The following RSPH3 variants were observed in gnomAD, a reference collection of about 807,000 sequenced individuals.
RSPH3 encodes the protein radial spoke head protein 3 homolog.
In RSPH3, 21 loss-of-function variants were observed where a neutral mutation model predicts 43.8. The ratio of observed to expected loss-of-function variants is 0.48; its 90% confidence interval spans 0.34 to 0.69. The LOEUF (loss-of-function observed/expected upper bound fraction) is 0.69, where lower values mean the gene tolerates loss of function less well. Ranked by LOEUF, RSPH3 falls within the 30% of genes least tolerant of loss-of-function variation. The probability of loss-of-function intolerance (pLI) is 0.01; values close to 1 mark genes in which losing one functional copy is unlikely to be tolerated. For missense variants in RSPH3, 487 were observed against 516.0 expected, an observed-to-expected ratio of 0.94 and a Z score of 0.54; for synonymous variants, 173 against 179.8, an observed-to-expected ratio of 0.96 and a Z score of 0.30.
chr6:158,986,155 T>C (rs762163751), intron 3 of RSPH3, 125 bp downstream of exon 3: 16 of 906,762 alleles, frequency 1.8e-5, no homozygotes, highest in Non-Finnish European at 2.7e-5. Flanking sequence ...TTCCCTACCA[T>C]GTGATCGGGG....
intron 2 of RSPH3, chr6:158,988,057 C>A (rs958257655): frequency 6.6e-6 from 1 of 152,158 alleles, no homozygotes; most frequent in South Asian, 2.1e-4. Context: ...GTAAGATGGG[C>A]GTGGTGGTGC....
chr6:158,968,543 C>T (rs1777656579), downstream of RSPH3, among the ~76,000 whole-genome samples: 1 of 151,750 alleles, frequency 6.6e-6, no homozygotes, highest in African/African-American at 2.4e-5. Flanking sequence ...GCTATTTTTA[C>T]TATTTTGTAA....
intron 3 of RSPH3, among the ~76,000 whole-genome samples, chr6:158,984,691 T>C (rs988998235): frequency 1.1e-4 from 16 of 151,858 alleles, no homozygotes; most frequent in African/African-American, 2.4e-4. Context: ...ATGTTGGGCA[T>C]AGGACTTGGC....
chr6:158,998,807 T>C (rs1383314413), intron 1 of RSPH3, among the ~76,000 whole-genome samples: 3 of 146,658 alleles, frequency 2.0e-5, no homozygotes, highest in Admixed American at 6.9e-5. Context: ...GGGGCGGAGG[T>C]TGCAGTGAGC....
intron 4 of RSPH3, 36 bp from the exon 5 acceptor site, chr6:158,982,724 A>G: frequency 6.9e-7 from 1 of 1,440,550 alleles, no homozygotes. Context: ...TTAAAATTTT[A>G]ATTACGAATC....
Position 158,984,434 on chromosome 6 carries a change from TTATATATA to T in RSPH3, c.347-635_347-628del, listed in dbSNP as rs55999313. 9.3e-3 allele frequency among the ~76,000 whole-genome samples: 592 copies of T among 63,598 alleles called. 15 individuals carry two copies. The highest frequency in any genetic ancestry group is 0.031 in the Middle Eastern group (4 of 128). The allele number at this position is 63,598 out of a possible 152,430, so 41.7% of individuals were successfully genotyped here. The stretch of plus-strand genomic sequence containing the variant: ...AGTACAACAGTGGATAAAAAGTCAA[TTATATATA>T]TATATATATATATATATATATATAT... On this transcript the variant is annotated intron_variant, in intron 3 of 7. Transcript: ENST00000367069.
rs1473129201 is a variant in RSPH3 at position 158,993,945 on chromosome 6, T to C, written c.117-19A>G. 7 of 1,394,590 alleles carry C rather than the reference T, an allele frequency of 5.0e-6. No individual in the cohort carries two copies. The African/African-American group carries it at 7.1e-5, about 14-fold the overall frequency. 86.4% of individuals were successfully genotyped at this position (1,394,590 alleles called of 1,614,324 possible). On this transcript the variant is annotated intron_variant, in intron 1 of 7. Transcript: ENST00000367069. ...TTCATCTCTGTAAAACAGAAAATTCTGTATAACCACTTTAATAGAGTATTG... is the reference window on the plus strand; with the variant it reads ...TTCATCTCTGTAAAACAGAAAATTCCGTATAACCACTTTAATAGAGTATTG...
At chr6:158,993,186 C>T (rs751862898) in intron 2 of RSPH3, among the ~76,000 whole-genome samples, 11 of 151,914 alleles carry the variant, frequency 7.2e-5, no homozygotes, top group Non-Finnish European at 1.2e-4. Flanking sequence ...GGTGCGATCT[C>T]GGCTCACTGC....
Position 158,999,947 on chromosome 6 carries a change from G to C in RSPH3, c.-397C>G, listed in dbSNP as rs748686781. ...TGCGCTTTGCGAGGTTCCTGGCTAGGGAGGCGGCCTTGGCTGGCTTGACCG... is the reference window on the plus strand; with the variant it reads ...TGCGCTTTGCGAGGTTCCTGGCTAGCGAGGCGGCCTTGGCTGGCTTGACCG... On this transcript the variant is annotated 5_prime_UTR_variant, in exon 1 of 8. Transcript: ENST00000367069. 3 of 1,607,084 alleles carry C rather than the reference G, an allele frequency of 1.9e-6. No homozygotes were observed. The highest frequency in any genetic ancestry group is 2.2e-5 in the East Asian group (1 of 44,822).
At chr6:158,993,168 A>C (rs1483358790) in intron 2 of RSPH3, among the ~76,000 whole-genome samples, 3 of 151,888 alleles carry the variant, frequency 2.0e-5, no homozygotes, top group African/African-American at 7.3e-5. Flanking sequence ...GCCAGACTGG[A>C]GTGCAGTGGT....
intron 6 of RSPH3, among the ~76,000 whole-genome samples, chr6:158,978,595 C>T (rs777282185): frequency 2.8e-4 from 43 of 152,024 alleles, no homozygotes; most frequent in Admixed American, 1.3e-3. Context: ...GGCTGGAGTG[C>T]GGTGGCGCGA....
In RSPH3 at chr6:158,977,099, C is replaced by T; in HGVS notation, c.*439G>A. The stretch of plus-strand genomic sequence containing the variant: ...AAAGTGCTGGGATTACAGGTGTGAG[C>T]CACCACGCCTGGCTAGGCATTCACT... On this transcript the variant is annotated 3_prime_UTR_variant, in exon 8 of 8. Coordinates refer to ENST00000367069, the MANE Select transcript of RSPH3 (RefSeq NM_031924.8). The T allele has an allele frequency of 6.4e-6, 1 of 157,304 alleles. No individual in the cohort carries two copies. The highest frequency in any genetic ancestry group is 1.4e-5 in the Non-Finnish European group (1 of 71,540). The allele number at this position is 157,304 out of a possible 1,614,324, so 9.7% of individuals were successfully genotyped here.
rs779361922 is a variant in RSPH3 at position 158,980,853 on chromosome 6, C to T, written c.780G>A (p.Gln260=). ...ACGGGAGAAGGTCAGCCAGGTAACG[C>T]TGTGCAAATGCTCGGGCGGCGATTT... The part of the protein sequence containing the change: ...SQKIAARAFA[Q]RYLADLLPSV... The change falls in exon 6 of 8, where the codon CAG becomes CAA. Residue 260 remains glutamine, a synonymous_variant. Coordinates refer to ENST00000367069, the MANE Select transcript of RSPH3 (RefSeq NM_031924.8). The T allele has an allele frequency of 4.6e-5, 75 of 1,614,014 alleles. No homozygotes were observed. Among genetic ancestry groups the T allele is most frequent in the African/African-American group, 1.3e-5 (1 of 74,908 alleles).
chr6:158,972,388 C>T (rs180943515), downstream of RSPH3, among the ~76,000 whole-genome samples: 4 of 152,284 alleles, frequency 2.6e-5, no homozygotes, highest in East Asian at 7.7e-4. Flanking sequence ...CTAAAATGAA[C>T]ATTTTAAGAG....
intron 1 of RSPH3, among the ~76,000 whole-genome samples, chr6:158,997,959 T>C (rs781109912): frequency 1.3e-4 from 20 of 150,886 alleles, no homozygotes; most frequent in Non-Finnish European, 2.8e-4. Flanking sequence ...AATAATTACA[T>C]TGTTGATGTT....
chr6:158,971,223 C>T (rs1027007658), downstream of RSPH3, among the ~76,000 whole-genome samples: 23 of 152,126 alleles, frequency 1.5e-4, no homozygotes, highest in Admixed American at 1.0e-3. Flanking sequence ...TTGGGAAGAG[C>T]GGGATGGAAA....
At position 158,999,695 on chromosome 6, in the gene RSPH3, G is replaced by A; in HGVS notation, c.-145C>T. The A allele has an allele frequency of 6.2e-7, 1 of 1,614,044 alleles. No homozygotes were observed. The highest frequency in any genetic ancestry group is 8.5e-7 in the Non-Finnish European group (1 of 1,179,982). On this transcript the variant is annotated 5_prime_UTR_variant, in exon 1 of 8. Coordinates refer to ENST00000367069, the MANE Select transcript of RSPH3 (RefSeq NM_031924.8). ...GGAGAGGCGACAACAAGGGAGGCGG[G>A]CGGGACGGGAGGTTACCAGCGCAGG...
At chr6:158,964,052 C>T in the RSPH3 span, among the ~76,000 whole-genome samples, 1 of 152,040 alleles carries the variant, frequency 6.6e-6, no homozygotes, top group South Asian at 2.1e-4. Flanking sequence ...ATATATGTAC[C>T]CTATTCAAAC....
In RSPH3 at chr6:158,994,069, G is replaced by A. The variant is rs188128431; in HGVS notation, c.117-143C>T. 41 of 524,208 alleles carry A rather than the reference G, an allele frequency of 7.8e-5. No individual in the cohort carries two copies. The East Asian group carries it at 1.3e-3, about 17-fold the overall frequency. 32.5% of individuals were successfully genotyped at this position (524,208 alleles called of 1,614,324 possible). On this transcript the variant is annotated intron_variant, in intron 1 of 7. Transcript: ENST00000367069. Reference sequence around the variant, plus strand: ...TTTAGTGTGGTCCATAAAATAAGGAGGTAAATGGATACAATTTATGTAATG... The same window carrying A: ...TTTAGTGTGGTCCATAAAATAAGGAAGTAAATGGATACAATTTATGTAATG...
Sources: allele counts gnomAD v4.1 joint callset (sites outside exome capture counted in the v4.1 genomes callset), GRCh38; gene constraint gnomAD v4.1.1; transcripts MANE v1.5; gene names NCBI Gene and HGNC (gene_info 2026-07-23, HGNC 2026-07-21).